Variants in TP53I11 observed in about 807,000 individuals in gnomAD.
TP53I11 encodes the protein tumor protein p53 inducible protein 11, also known as tumor protein p53-inducible protein 11.
TP53I11 carries 9 observed loss-of-function variants against 23.3 expected under a neutral mutation model. The observed-to-expected ratio is 0.39, with a 90% CI of 0.23 to 0.67. TP53I11 has a LOEUF of 0.67. TP53I11 is among the 30% of genes least tolerant of loss of function. The pLI is 0.48. For synonymous variants in TP53I11, 100 were observed against 106.1 expected (o/e 0.94, Z 0.35); for missense variants, 170 against 255.2 (o/e 0.67, Z 2.27).
chr11:44,949,108 C>T (rs1862670731), intron 1 of TP53I11, among the ~76,000 whole-genome samples: 1 of 152,202 alleles, frequency 6.6e-6, no homozygotes, highest in African/African-American at 2.4e-5. Context: ...AACAAGACGA[C>T]CCATTTTACA....
At chr11:44,939,704 A>T (rs1176663451) in intron 1 of TP53I11, among the ~76,000 whole-genome samples, 2 of 150,000 alleles carry the variant, frequency 1.3e-5, no homozygotes, top group African/African-American at 4.9e-5. Flanking sequence ...CGGATCAACT[A>T]GGGAGGCAGT....
At position 44,938,376 on chromosome 11, in the gene TP53I11, G is replaced by A. The variant is rs1306692473; in HGVS notation, c.-31-10C>T. 2 of 1,528,106 alleles carry A rather than the reference G, an allele frequency of 1.3e-6. No homozygotes were observed. Among genetic ancestry groups the A allele is most frequent in the African/African-American group, 2.8e-5 (2 of 72,274 alleles). 94.7% of individuals were successfully genotyped at this position (1,528,106 alleles called of 1,614,324 possible). On this transcript the variant is annotated splice_polypyrimidine_tract_variant and intron_variant, in intron 1 of 6. Coordinates refer to ENST00000525680, the MANE Select transcript of TP53I11 (RefSeq NM_006034.5). ...GGCCTCTGCAGAAGGGCTGAGGGGA[G>A]ACACCGGCCTCAGGCCACAGTTCCT...
rs1861145154 is a variant in TP53I11 at position 44,936,655 on chromosome 11, G to A, written c.334+148C>T. ...AAGATGGCAGCACATCCCCAGCAGAGAGCTTCATCAGAGGCCGGGGTGTGG... is the reference window on the plus strand; with the variant it reads ...AAGATGGCAGCACATCCCCAGCAGAAAGCTTCATCAGAGGCCGGGGTGTGG... On this transcript the variant is annotated intron_variant, in intron 5 of 6. Transcript: ENST00000525680. The surrounding 1 kb of genome is among the most constrained non-coding windows in gnomAD (Gnocchi z 4.4). The A allele has an allele frequency of 7.3e-7, 1 of 1,368,588 alleles. No individual in the cohort carries two copies. The highest frequency in any genetic ancestry group is 2.9e-5 in the East Asian group (1 of 34,336). The allele number at this position is 1,368,588 out of a possible 1,614,324, so 84.8% of individuals were successfully genotyped here.
At chr11:44,949,313 C>G (rs1421698753) in intron 1 of TP53I11, among the ~76,000 whole-genome samples, 1 of 152,168 alleles carries the variant, frequency 6.6e-6, no homozygotes, top group Non-Finnish European at 1.5e-5. Context: ...CACAGGCCGT[C>G]AGGGGTGGAG....
rs1009577876 is a variant in TP53I11, at chr11:44,933,587, T to G, written c.*1297A>C. ...GCGGTGGGTATGCAGCACAGGCTGG[T>G]GGGCCCTCAGGGAGAAGCTGGGCGG... On this transcript the variant is annotated 3_prime_UTR_variant, in exon 7 of 7. Coordinates refer to ENST00000525680, the MANE Select transcript of TP53I11 (RefSeq NM_006034.5). The G allele has an allele frequency of 6.4e-6, 1 of 156,590 alleles. No individual in the cohort carries two copies. The highest frequency in any genetic ancestry group is 1.4e-5 in the Non-Finnish European group (1 of 70,958). The allele number at this position is 156,590 out of a possible 1,614,324, so 9.7% of individuals were successfully genotyped here.
intron 6 of TP53I11, 68 bp downstream of exon 6, chr11:44,935,493 G>A (rs977550609): frequency 1.4e-6 from 2 of 1,417,728 alleles, no homozygotes; most frequent in Non-Finnish European, 2.0e-6. Context: ...ACACCCAGGT[G>A]GCTAGAGCAG....
chr11:44,933,987 G>C lies in TP53I11; in HGVS notation c.*897C>G, dbSNP rs1860818509. 6.6e-6 allele frequency: 1 copy of C among 152,536 alleles called. No homozygotes were observed. Among genetic ancestry groups the C allele is most frequent in the South Asian group, 2.1e-4 (1 of 4,838 alleles). 9.4% of individuals were successfully genotyped at this position (152,536 alleles called of 1,614,324 possible). A position where few individuals can be genotyped will look rare whatever the true frequency, so the allele number is the denominator to read the frequency against. On this transcript the variant is annotated 3_prime_UTR_variant, in exon 7 of 7. Transcript: ENST00000525680. ...CCACTTACAATGGTCTCCATTGGGG[G>C]CTGTGTGTCCCTTTGTCCGTGGGGC...
At position 44,950,809 on chromosome 11, in the gene TP53I11, A is replaced by ACAGGACAGGGCAGGG. The variant is rs1554952986; in HGVS notation, c.-165_-164insCCCTGCCCTGTCCTG. 7 of 150,222 alleles carry ACAGGACAGGGCAGGG rather than the reference A, an allele frequency of 4.7e-5. No homozygotes were observed. The highest frequency in any genetic ancestry group is 1.7e-4 in the African/African-American group (7 of 40,768). The allele number at this position is 150,222 out of a possible 1,614,324, so 9.3% of individuals were successfully genotyped here. Reference sequence around the variant, plus strand: ...GCAGGGCAGGGCAGGGCAGGGCAGGACAGGGCAGGGCAGGGCAGGGCCGGG... The same window carrying ACAGGACAGGGCAGGG: ...GCAGGGCAGGGCAGGGCAGGGCAGGACAGGACAGGGCAGGGCAGGGCAGGGCAGGGCAGGGCCGGG... On this transcript the variant is annotated 5_prime_UTR_variant, in exon 1 of 7. Transcript: ENST00000525680.
rs551087985 is a variant in TP53I11 at position 44,945,264 on chromosome 11, C to T, written c.-32+5413G>A. Among the ~76,000 whole-genome samples the T allele has an allele frequency of 2.8e-3, 426 of 152,256 alleles. 1 individual carries two copies. Among genetic ancestry groups the T allele is most frequent in the African/African-American group, 7.6e-3 (316 of 41,536 alleles). On this transcript the variant is annotated intron_variant, in intron 1 of 6. Coordinates refer to ENST00000525680, the MANE Select transcript of TP53I11 (RefSeq NM_006034.5). ...CCACCTACCCCGGGGCTGGGAGGAGCGGGGCAAGTACTTCAAGACCATGAA... is the reference window on the plus strand; with the variant it reads ...CCACCTACCCCGGGGCTGGGAGGAGTGGGGCAAGTACTTCAAGACCATGAA...
chr11:44,944,978 C>A (rs138886338), intron 1 of TP53I11, among the ~76,000 whole-genome samples: 1,845 of 152,342 alleles, frequency 0.012, 19 homozygotes, highest in Non-Finnish European at 0.018. Flanking sequence ...GACTGCCGAG[C>A]TGTCCCCAGC....
intron 1 of TP53I11, among the ~76,000 whole-genome samples, chr11:44,948,082 G>A (rs975380705): frequency 6.6e-6 from 1 of 152,140 alleles, no homozygotes; most frequent in African/African-American, 2.4e-5. Flanking sequence ...GGGGCAGGAG[G>A]ACGATGCTGC....
intron 1 of TP53I11, 113 bp downstream of exon 1, chr11:44,950,564 C>T (rs1862855115): frequency 6.6e-6 from 1 of 151,836 alleles, no homozygotes; most frequent in Non-Finnish European, 1.5e-5. Flanking sequence ...TCCCGGCCGC[C>T]CCTCTGCGGT....
Position 44,936,358 on chromosome 11 carries a change from A to C in TP53I11, c.334+445T>G. On this transcript the variant is annotated intron_variant, in intron 5 of 6. Coordinates refer to ENST00000525680, the MANE Select transcript of TP53I11 (RefSeq NM_006034.5). This position sits in a 1 kb window ranked among gnomAD's most constrained non-coding sequence, Gnocchi z 4.4. Reference sequence around the variant, plus strand: ...CTGAGCTTTAAAAATTGTAATTCCAAATCCTAACGTGTGCATCTCAGGTTA... The same window carrying C: ...CTGAGCTTTAAAAATTGTAATTCCACATCCTAACGTGTGCATCTCAGGTTA... The C allele has an allele frequency of 8.2e-7, 1 of 1,226,912 alleles. No homozygotes were observed. The highest frequency in any genetic ancestry group is 1.0e-6 in the Non-Finnish European group (1 of 985,662). The allele number at this position is 1,226,912 out of a possible 1,614,324, so 76.0% of individuals were successfully genotyped here.
In TP53I11 at chr11:44,933,532, C is replaced by A. The variant is rs1270059669; in HGVS notation, c.*1352G>T. The A allele has an allele frequency of 1.9e-5, 3 of 155,420 alleles. No individual in the cohort carries two copies. The highest frequency in any genetic ancestry group is 4.3e-5 in the Non-Finnish European group (3 of 70,186). 9.6% of individuals were successfully genotyped at this position (155,420 alleles called of 1,614,324 possible). A position where few individuals can be genotyped will look rare whatever the true frequency, so the allele number is the denominator to read the frequency against. On this transcript the variant is annotated 3_prime_UTR_variant, in exon 7 of 7. Transcript: ENST00000525680. ...TCAGGGACTAACGGGGTGTACAGCA[C>A]AGGCTGGTGGGCCCTCAGGGAGAAG...
At position 44,936,363 on chromosome 11, in the gene TP53I11, TA is replaced by T. The variant is rs977620482; in HGVS notation, c.334+439del. ...CTTTAAAAATTGTAATTCCAAATCC[TA>T]ACGTGTGCATCTCAGGTTAGAGAGG... On this transcript the variant is annotated intron_variant, in intron 5 of 6. Coordinates refer to ENST00000525680, the MANE Select transcript of TP53I11 (RefSeq NM_006034.5). The surrounding 1 kb of genome is among the most constrained non-coding windows in gnomAD (Gnocchi z 4.4). 3.3e-6 allele frequency: 4 copies of T among 1,228,160 alleles called. No individual in the cohort carries two copies. Among genetic ancestry groups the T allele is most frequent in the South Asian group, 4.2e-5 (1 of 23,608 alleles). 76.1% of individuals were successfully genotyped at this position (1,228,160 alleles called of 1,614,324 possible).
At chr11:44,950,388 AG>A (rs1335947709) in intron 1 of TP53I11, among the ~76,000 whole-genome samples, 1 of 151,988 alleles carries the variant, frequency 6.6e-6, no homozygotes, top group Non-Finnish European at 1.5e-5. Flanking sequence ...GCCGGGGGAG[AG>A]GGGAAACCGA....
Position 44,933,438 on chromosome 11 carries a change from TC to T in TP53I11, c.*1445del. The stretch of plus-strand genomic sequence containing the variant: ...GGGGCTGCTTTTCTCCCTACACCTG[TC>T]CCCAGGGCTTGGGCTCGCCACTTCC... On this transcript the variant is annotated 3_prime_UTR_variant, in exon 7 of 7. Coordinates refer to ENST00000525680, the MANE Select transcript of TP53I11 (RefSeq NM_006034.5). 6.5e-6 allele frequency: 1 copy of T among 152,816 alleles called. No individual in the cohort carries two copies. Among genetic ancestry groups the T allele is most frequent in the Non-Finnish European group, 1.5e-5 (1 of 68,456 alleles). The allele number at this position is 152,816 out of a possible 1,614,324, so 9.5% of individuals were successfully genotyped here. A position where few individuals can be genotyped will look rare whatever the true frequency, so the allele number is the denominator to read the frequency against.
At chr11:44,946,552 C>T (rs1355435120) in intron 1 of TP53I11, among the ~76,000 whole-genome samples, 1 of 152,224 alleles carries the variant, frequency 6.6e-6, no homozygotes, top group East Asian at 1.9e-4. Context: ...GCAGTGGCAA[C>T]CCCCGTCTCC....
chr11:44,934,639 G>A lies in TP53I11; in HGVS notation c.*245C>T. On this transcript the variant is annotated 3_prime_UTR_variant, in exon 7 of 7. Coordinates refer to ENST00000525680, the MANE Select transcript of TP53I11 (RefSeq NM_006034.5). ...ACCCAAGGAAAGGAGGTATCACTGT[G>A]AGGGTGAAGAACAGGGCAGCAGAGG... 1 of 528,748 alleles carries A rather than the reference G, an allele frequency of 1.9e-6. No homozygotes were observed. The highest frequency in any genetic ancestry group is 3.4e-6 in the Non-Finnish European group (1 of 295,680). 32.8% of individuals were successfully genotyped at this position (528,748 alleles called of 1,614,324 possible). A position where few individuals can be genotyped will look rare whatever the true frequency, so the allele number is the denominator to read the frequency against.
Sources: allele counts gnomAD v4.1 joint callset (sites outside exome capture counted in the v4.1 genomes callset), GRCh38; gene constraint gnomAD v4.1.1; non-coding constraint Gnocchi (gnomAD v3.1); transcripts MANE v1.5; gene names NCBI Gene and HGNC (gene_info 2026-07-23, HGNC 2026-07-21).